GLI2: variants seen among roughly 807,000 people sequenced by gnomAD.
GLI2 encodes the protein transcription activator GLI2.
In GLI2, 22 loss-of-function variants were observed where a neutral mutation model predicts 78.9. The observed-to-expected ratio is 0.28, with a 90% CI of 0.20 to 0.40. The LOEUF (loss-of-function observed/expected upper bound fraction) is 0.40. Ranked by LOEUF, GLI2 falls within the 10% of genes least tolerant of loss-of-function variation. GLI2 has a pLI of 1.00. For synonymous variants in GLI2, 974 were observed against 963.7 expected (o/e 1.01, Z -0.20); for missense variants, 2,097 against 2,213.2 (o/e 0.95, Z 1.05).
At chr2:120,782,807 T>A (rs537417629) in intron 1 of GLI2, among the ~76,000 whole-genome samples, 2 of 152,318 alleles carry the variant, frequency 1.3e-5, no homozygotes, top group East Asian at 3.9e-4. Context: ...CAAAAATGTC[T>A]CCAGATATTG....
chr2:120,913,979 A>C (rs1573590156), intron 2 of GLI2, among the ~76,000 whole-genome samples: 1 of 152,234 alleles, frequency 6.6e-6, no homozygotes, highest in African/African-American at 2.4e-5. Context: ...AGGACCTATA[A>C]GCCAGATCAA....
chr2:120,897,990 C>T (rs1678060775), intron 2 of GLI2, among the ~76,000 whole-genome samples: 1 of 152,042 alleles, frequency 6.6e-6, no homozygotes, highest in African/African-American at 2.4e-5. Flanking sequence ...CCCTTGGGAA[C>T]TGCACCTTTC....
At chr2:120,955,152 CCTTTTTTTTT>C (rs1287264803) in intron 4 of GLI2, 83 bp from the exon 5 acceptor site, 3,557 of 303,970 alleles carry the variant, frequency 0.012, 59 homozygotes, top group Middle Eastern at 0.027. Flanking sequence ...TTTCTCTCTG[CCTTTTTTTTT>C]TTTTTTTTTT....
In GLI2 at chr2:120,989,540, G is replaced by T. The variant is rs138909736; in HGVS notation, c.3575G>T (p.Ser1192Ile). ...DSTQPHLQPR[S>I]GAPSQGIPRV... ...ACGCAGCCACACCTGCAGCCCCGCAGCGGAGCCCCCTCCCAGGGCATCCCC... is the reference window on the plus strand; with the variant it reads ...ACGCAGCCACACCTGCAGCCCCGCATCGGAGCCCCCTCCCAGGGCATCCCC... Residue 1192 changes from serine (S) to isoleucine (I), a missense_variant, in exon 14 of 14, where the codon AGC becomes ATC. Coordinates refer to ENST00000361492, the MANE Select transcript of GLI2 (RefSeq NM_001374353.1). The T allele has an allele frequency of 5.7e-5, 92 of 1,612,602 alleles. No homozygotes were observed. The African/African-American group carries it at 1.1e-3, about 20-fold the overall frequency.
At chr2:120,930,077 G>A (rs147486208) in intron 3 of GLI2, among the ~76,000 whole-genome samples, 1 of 152,336 alleles carries the variant, frequency 6.6e-6, no homozygotes, top group African/African-American at 2.4e-5. Flanking sequence ...TGCACGGGAT[G>A]TTGGTCAGGA....
At chr2:120,755,915 GTTCTA>G (rs1185215750) in intron 1 of GLI2, among the ~76,000 whole-genome samples, 1 of 152,092 alleles carries the variant, frequency 6.6e-6, no homozygotes, top group Non-Finnish European at 1.5e-5. Context: ...TGGACTTTCT[GTTCTA>G]TTCTTTTGAT....
intron 2 of GLI2, among the ~76,000 whole-genome samples, chr2:120,831,089 TTC>T (rs1558821707): frequency 6.6e-6 from 1 of 151,486 alleles, no homozygotes; most frequent in Non-Finnish European, 1.5e-5. Context: ...GTTTCTGTCA[TTC>T]TCTCTCTCTC....
intron 2 of GLI2, among the ~76,000 whole-genome samples, chr2:120,817,959 A>T (rs1685580440): frequency 6.6e-6 from 1 of 152,204 alleles, no homozygotes; most frequent in Non-Finnish European, 1.5e-5. Context: ...CTGCCATTAC[A>T]CATGAGGCCC....
rs763171604 is a variant in GLI2, at chr2:120,791,206, T to TA, written c.-30-6084dup. Among the ~76,000 whole-genome samples the TA allele has an allele frequency of 5.3e-5, 8 of 152,298 alleles. No homozygotes were observed. The East Asian group carries it at 9.7e-4, about 18-fold the overall frequency. On this transcript the variant is annotated intron_variant, in intron 1 of 13. Coordinates refer to ENST00000361492, the MANE Select transcript of GLI2 (RefSeq NM_001374353.1). ...AATGCCAGAAGTCCTGGGGAACCCT[T>TA]ACGTTCCCCACGTCCCTATCTCCTT...
In GLI2 at chr2:120,910,793, G is replaced by A. The variant is rs1048880920; in HGVS notation, c.149-16568G>A. Among the ~76,000 whole-genome samples the A allele has an allele frequency of 5.3e-5, 8 of 152,226 alleles. No individual in the cohort carries two copies. In the South Asian group the frequency reaches 6.2e-4, roughly 12 times the overall value. On this transcript the variant is annotated intron_variant, in intron 2 of 13. Coordinates refer to ENST00000361492, the MANE Select transcript of GLI2 (RefSeq NM_001374353.1). Reference sequence around the variant, plus strand: ...AACTCCCCTCCCCTGGGTCCCTCCCGGACTTGCCTCTGACTTCGCTGGGTA... The same window carrying A: ...AACTCCCCTCCCCTGGGTCCCTCCCAGACTTGCCTCTGACTTCGCTGGGTA...
In GLI2 at chr2:120,978,730, A is replaced by C. The variant is rs1448147873; in HGVS notation, c.1467+147A>C. 4 of 883,246 alleles carry C rather than the reference A, an allele frequency of 4.5e-6. No individual in the cohort carries two copies. In the Admixed American group the frequency reaches 7.0e-5, roughly 15 times the overall value. The allele number at this position is 883,246 out of a possible 1,614,324, so 54.7% of individuals were successfully genotyped here. On this transcript the variant is annotated intron_variant, in intron 10 of 13. Coordinates refer to ENST00000361492, the MANE Select transcript of GLI2 (RefSeq NM_001374353.1). The stretch of plus-strand genomic sequence containing the variant: ...GGCTCTGGGACAGGAGCCTGTTCCC[A>C]CCCTGCCTGTTTGGGTCCTGGAGGC...
chr2:120,978,339 G>T (rs950303788), intron 9 of GLI2, 95 bp from the exon 10 acceptor site: 37 of 1,353,304 alleles, frequency 2.7e-5, no homozygotes, highest in African/African-American at 2.9e-5. Flanking sequence ...GGGGAGGGCT[G>T]GGGGGGTGCC....
intron 2 of GLI2, among the ~76,000 whole-genome samples, chr2:120,824,777 A>G (rs1275894273): frequency 1.3e-5 from 2 of 152,066 alleles, no homozygotes; most frequent in African/African-American, 4.8e-5. Context: ...GAGGACCTGA[A>G]CTCCCTTGTC....
At chr2:120,832,792 T>A (rs1363725754) in intron 2 of GLI2, among the ~76,000 whole-genome samples, 2 of 152,064 alleles carry the variant, frequency 1.3e-5, no homozygotes, top group Non-Finnish European at 2.9e-5. Flanking sequence ...CCATGGAGTC[T>A]TCAAGAGGAC....
At chr2:120,966,093 C>CT (rs142306079) in intron 5 of GLI2, among the ~76,000 whole-genome samples, 5 of 151,742 alleles carry the variant, frequency 3.3e-5, no homozygotes, top group South Asian at 2.1e-4. Context: ...ATTAACTCCA[C>CT]TTTTTTTTTC....
intron 4 of GLI2, 26 bp from the exon 5 acceptor site, chr2:120,955,219 C>T: frequency 1.9e-6 from 2 of 1,076,538 alleles, no homozygotes; most frequent in Non-Finnish European, 2.6e-6. Flanking sequence ...GTTCTGACGG[C>T]TTCTTTCTCT....
At position 120,955,333 on chromosome 2, in the gene GLI2, C is replaced by T. The variant is rs200028917; in HGVS notation, c.546C>T (p.Leu182=). The T allele has an allele frequency of 6.3e-5, 101 of 1,612,534 alleles. 1 individual carries two copies. The East Asian group carries it at 1.4e-3, about 22-fold the overall frequency. Reference sequence around the variant, plus strand: ...CAGACTATTACCACCAGATGACCCTCGTGGCAGGCCACCCCGCGCCCTACG... The same window carrying T: ...CAGACTATTACCACCAGATGACCCTTGTGGCAGGCCACCCCGCGCCCTACG... ...TPSDYYHQMT[L]VAGHPAPYGD... The change falls in exon 5 of 14, where the codon CTC becomes CTT. Residue 182 remains leucine (L), a synonymous_variant. Coordinates refer to ENST00000361492, the MANE Select transcript of GLI2 (RefSeq NM_001374353.1).
In GLI2 at chr2:120,990,169, G is replaced by A; in HGVS notation, c.4204G>A (p.Gly1402Arg). 1 of 1,612,686 alleles carries A rather than the reference G, an allele frequency of 6.2e-7. No homozygotes were observed. Among genetic ancestry groups the A allele is most frequent in the Non-Finnish European group, 8.5e-7 (1 of 1,179,546 alleles). ...SQETAEAVPK[G>R]AMGNMGSVPP... Reference sequence around the variant, plus strand: ...GGAAACAGCAGAGGCTGTGCCCAAGGGAGCGATGGGCAACATGGGGTCGGT... The same window carrying A: ...GGAAACAGCAGAGGCTGTGCCCAAGAGAGCGATGGGCAACATGGGGTCGGT... The change falls in exon 14 of 14, where the codon GGA becomes AGA. Residue 1402 changes from glycine (G) to arginine (R), a missense_variant. Transcript: ENST00000361492.
intron 1 of GLI2, among the ~76,000 whole-genome samples, chr2:120,788,043 T>G (rs116312294): frequency 0.055 from 8,351 of 152,260 alleles, 362 homozygotes; most frequent in Admixed American, 0.11. Flanking sequence ...CTTCTCCAGC[T>G]GCAGGGATGA....
Sources: gnomAD v4.1 joint callset for allele counts (sites outside exome capture counted in the v4.1 genomes callset) on GRCh38, gnomAD v4.1.1 for gene constraint, MANE v1.5 for transcripts, NCBI Gene and HGNC (gene_info 2026-07-23, HGNC 2026-07-21) for gene names.